The following MYO7A variants were observed in gnomAD, a reference collection of about 807,000 sequenced individuals.
MYO7A encodes the protein myosin VIIA.
A neutral mutation model predicts 263.8 loss-of-function variants in MYO7A; 210 were observed. That is an observed-to-expected ratio of 0.80 (90% CI 0.71 to 0.89). The LOEUF is 0.89. MYO7A is among the 40% of genes least tolerant of loss of function. The pLI is 0.00. For synonymous variants in MYO7A, 1,239 were observed against 1,197.3 expected (o/e 1.03, Z -0.72); for missense variants, 2,820 against 2,968.3 (o/e 0.95, Z 1.16).
chr11:77,207,854 C>G (rs1011182148), intron 42 of MYO7A, among the ~76,000 whole-genome samples: 2 of 152,216 alleles, frequency 1.3e-5, no homozygotes, highest in East Asian at 1.9e-4. Flanking sequence ...GGGTCTGGCT[C>G]TAAAGCCCAC....
In MYO7A at chr11:77,193,507, ATGT is replaced by A. The variant is rs985643058; in HGVS notation, c.4153-844_4153-842del. Among the ~76,000 whole-genome samples the A allele has an allele frequency of 7.1e-5, 10 of 140,860 alleles. No homozygotes were observed. The South Asian group carries it at 7.2e-4, about 10-fold the overall frequency. The allele number at this position is 140,860 out of a possible 152,430, so 92.4% of individuals were successfully genotyped here. A position where few individuals can be genotyped will look rare whatever the true frequency, so the allele number is the denominator to read the frequency against. On this transcript the variant is annotated intron_variant, in intron 31 of 48. Coordinates refer to ENST00000409709, the MANE Select transcript of MYO7A (RefSeq NM_000260.4). ...GGTGGTGATGGTGGAGGCAGTAATGATGTTGGTGATAGTGTTGGCAGTGATGGT... is the reference window on the plus strand; with the variant it reads ...GGTGGTGATGGTGGAGGCAGTAATGATGGTGATAGTGTTGGCAGTGATGGT...
rs1453028854 is a variant in MYO7A, at chr11:77,179,047, C to T, written c.2285C>T (p.Ser762Phe). The T allele has an allele frequency of 6.2e-7, 1 of 1,603,982 alleles. No homozygotes were observed. The highest frequency in any genetic ancestry group is 1.3e-5 in the African/African-American group (1 of 74,906). Residue 762 changes from serine to phenylalanine, a missense_variant and splice_region_variant, in exon 20 of 49, where the codon TCT becomes TTT. Coordinates refer to ENST00000409709, the MANE Select transcript of MYO7A (RefSeq NM_000260.4). ...QKVIRGFKDR[S>F]NFLKLKNAAT... The stretch of plus-strand genomic sequence containing the variant: ...CCGCGCCACTACTGCTGTTTCAGGT[C>T]TAACTTTCTGAAGCTGAAGAACGCT...
intron 2 of MYO7A, among the ~76,000 whole-genome samples, chr11:77,133,726 T>C (rs1195500302): frequency 6.6e-6 from 1 of 152,224 alleles, no homozygotes; most frequent in East Asian, 1.9e-4. Context: ...TTAATCTATT[T>C]ACACATGAAG....
At chr11:77,210,897 AT>A in intron 44 of MYO7A, 1 of 456,806 alleles carries the variant, frequency 2.2e-6, no homozygotes, top group Non-Finnish European at 3.9e-6. Context: ...CTGGACTGTT[AT>A]GGGGGGACAT....
At chr11:77,148,802 T>G (rs1225694538) in intron 4 of MYO7A, among the ~76,000 whole-genome samples, 4 of 152,242 alleles carry the variant, frequency 2.6e-5, no homozygotes, top group Non-Finnish European at 4.4e-5. Context: ...AAAAATGACA[T>G]TTCCCAAAAT....
chr11:77,195,939 G>T (rs761428305), intron 32 of MYO7A, among the ~76,000 whole-genome samples: 3 of 152,246 alleles, frequency 2.0e-5, no homozygotes, highest in Admixed American at 6.5e-5. Flanking sequence ...CCTGCAGATG[G>T]CTGTCTTCTC....
In MYO7A at chr11:77,159,489, C is replaced by G. The variant is rs782432573; in HGVS notation, c.1046C>G (p.Ser349Cys). The G allele has an allele frequency of 2.5e-6, 4 of 1,579,020 alleles. No homozygotes were observed. The African/African-American group carries it at 5.4e-5, about 21-fold the overall frequency. ...CTGGATGCCTGTGAGGTTCTCTTCT[C>G]CCCATCGCTGGCCACAGCTGCATCC... ...ENLDACEVLF[S>C]PSLATAASLL... The change falls in exon 10 of 49, where the codon TCC becomes TGC. Residue 349 changes from serine to cysteine, a missense_variant. Physicochemically the swap from Ser to Cys is moderately radical, Grantham distance 112. Transcript: ENST00000409709.
intron 24 of MYO7A, 74 bp from the exon 25 acceptor site, chr11:77,182,350 C>T: frequency 6.6e-7 from 1 of 1,506,952 alleles, no homozygotes. Flanking sequence ...GCCCACTCCC[C>T]AAACCGCCAG....
intron 18 of MYO7A, among the ~76,000 whole-genome samples, chr11:77,176,331 C>G (rs1555080076): frequency 6.6e-6 from 1 of 152,232 alleles, no homozygotes. Flanking sequence ...GCCTGTGCCT[C>G]CCACAGCTGT....
chr11:77,210,920 C>G (rs1202130368), intron 44 of MYO7A: 5 of 508,720 alleles, frequency 9.8e-6, no homozygotes, highest in Non-Finnish European at 1.7e-5. Context: ...AGGTAACAGA[C>G]ATGGCCATGC....
rs397516327 is a variant in MYO7A, at chr11:77,211,265, C to A, written c.6165C>A (p.Ser2055Arg). ...AGGAGGACAAGTCCTACTTCCCCAG[C>A]ATCCCCAAGCTGCTGCGGGAGCTGG... ...KFEEDKSYFPSIPKLLRELVP... is the reference protein window; with the variant it reads ...KFEEDKSYFPRIPKLLRELVP... The change falls in exon 45 of 49, where the codon AGC becomes AGA. Residue 2055 changes from serine (S) to arginine (R), a missense_variant. Coordinates refer to ENST00000409709, the MANE Select transcript of MYO7A (RefSeq NM_000260.4). The A allele has an allele frequency of 6.3e-7, 1 of 1,580,880 alleles. No homozygotes were observed. Among genetic ancestry groups the A allele is most frequent in the Middle Eastern group, 1.7e-4 (1 of 6,030 alleles).
intron 29 of MYO7A, 98 bp downstream of exon 29, chr11:77,190,237 T>G: frequency 4.0e-5 from 46 of 1,144,370 alleles, no homozygotes; most frequent in Non-Finnish European, 4.8e-5. Flanking sequence ...CCCAGAAACA[T>G]TCCCTGCTTT....
intron 15 of MYO7A, among the ~76,000 whole-genome samples, 152 bp from the exon 16 acceptor site, chr11:77,172,596 G>A (rs2276281): frequency 1.8e-4 from 27 of 152,246 alleles, no homozygotes; most frequent in African/African-American, 3.9e-4. Context: ...TCAGAAGGTG[G>A]GGAGAGGCAG....
At chr11:77,201,132 A>C (rs1443352364) in intron 35 of MYO7A, among the ~76,000 whole-genome samples, 1 of 152,202 alleles carries the variant, frequency 6.6e-6, no homozygotes, top group Admixed American at 6.5e-5. Context: ...TGTCCAGGGA[A>C]CTGCGAACAG....
Position 77,162,920 on chromosome 11 carries a change from C to A in MYO7A, c.1622C>A (p.Pro541His), listed in dbSNP as rs369301423. 1.2e-5 allele frequency: 19 copies of A among 1,613,708 alleles called. No homozygotes were observed. Among genetic ancestry groups the A allele is most frequent in the South Asian group, 1.1e-4 (10 of 91,062 alleles). The change falls in exon 14 of 49, where the codon CCC becomes CAC. Residue 541 changes from proline to histidine, a missense_variant. Pro to His is a moderately conservative substitution (Grantham distance 77). Transcript: ENST00000409709. ...QHKLNANYIP[P>H]KNNHETQFGI... ...AAGCTCAACGCCAACTACATCCCCC[C>A]CAAGAACAACCATGAGACCCAGTTT...
chr11:77,182,176 G>A, intron 24 of MYO7A, 22 bp downstream of exon 24: 2 of 1,612,378 alleles, frequency 1.2e-6, no homozygotes, highest in Non-Finnish European at 1.7e-6. Context: ...CTGTCACTAG[G>A]TCACTGCTGG....
chr11:77,167,173 A>G (rs1236016074), intron 15 of MYO7A, among the ~76,000 whole-genome samples: 1 of 151,368 alleles, frequency 6.6e-6, no homozygotes, highest in Non-Finnish European at 1.5e-5. Context: ...TTGGTTTTTG[A>G]GTTGTGTGTG....
chr11:77,147,400 T>TTTTC (rs35139168), intron 3 of MYO7A, among the ~76,000 whole-genome samples: 37,257 of 150,720 alleles, frequency 0.25, 4,646 homozygotes, highest in South Asian at 0.35. Flanking sequence ...TTTTTAATGT[T>TTTTC]TTTCTTTCTT....
At position 77,211,875 on chromosome 11, in the gene MYO7A, C is replaced by T. The variant is rs1455320569; in HGVS notation, c.6292C>T (p.Leu2098=). The change falls in exon 46 of 49, where the codon CTG becomes TTG. Residue 2098 remains leucine, a synonymous_variant. Transcript: ENST00000409709. ...AGGGAAGTCCAAGGAGGAGGCCAAG[C>T]TGGCCTTCCTGAAGCTCATCTTCAA... ...HAGKSKEEAK[L]AFLKLIFKWP... is the part of the protein sequence containing the mutation. 1.2e-6 allele frequency: 2 copies of T among 1,613,886 alleles called. No homozygotes were observed. The highest frequency in any genetic ancestry group is 8.5e-7 in the Non-Finnish European group (1 of 1,179,878).
Sources: gnomAD v4.1 joint callset for allele counts (sites outside exome capture counted in the v4.1 genomes callset) on GRCh38, gnomAD v4.1.1 for gene constraint, MANE v1.5 for transcripts, NCBI Gene and HGNC (gene_info 2026-07-23, HGNC 2026-07-21) for gene names.